EMILIN1: variants seen among roughly 807,000 people sequenced by gnomAD.
EMILIN1 encodes the protein EMILIN-1.
EMILIN1 carries 49 observed loss-of-function variants against 82.4 expected under a neutral mutation model. The observed-to-expected ratio is 0.59, with a 90% CI of 0.47 to 0.75. The LOEUF (loss-of-function observed/expected upper bound fraction) is 0.75. Among genes scored for constraint, EMILIN1 ranks in the 30% least tolerant of loss-of-function variants. EMILIN1 has a pLI of 0.00. For synonymous variants in EMILIN1, 604 were observed against 602.2 expected (o/e 1.00, Z -0.04); for missense variants, 1,313 against 1,366.4 (o/e 0.96, Z 0.62).
chr2:27,083,598 C>T lies in EMILIN1; in HGVS notation c.2027C>T (p.Ala676Val). The T allele has an allele frequency of 1.2e-6, 2 of 1,613,566 alleles. No homozygotes were observed. The highest frequency in any genetic ancestry group is 1.7e-6 in the Non-Finnish European group (2 of 1,179,604). Residue 676 changes from alanine (A) to valine (V), a missense_variant, in exon 4 of 8, where the codon GCT becomes GTT. Coordinates refer to ENST00000380320, the MANE Select transcript of EMILIN1 (RefSeq NM_007046.4). The part of the protein sequence containing the change: ...TTVEGQGADL[A>V]DLGATKDRII... ...GTGGAGGGCCAGGGCGCTGATCTGG[C>T]TGACCTGGGGGCAACCAAGGACCGT...
chr2:27,082,505 T>TTCCGCCGGC lies in EMILIN1; in HGVS notation c.935_943dup (p.Arg314_Gln315insLeuArgArg), dbSNP rs1279106581. On this transcript the variant is annotated inframe_insertion, in exon 4 of 8. Coordinates refer to ENST00000380320, the MANE Select transcript of EMILIN1 (RefSeq NM_007046.4). The stretch of plus-strand genomic sequence containing the variant: ...CGTGTGCCTGGCCGGGCTAGATGGC[T>TTCCGCCGGC]TCCGCCGGCAGCAGCAGGAGGACAG... 7 of 1,547,024 alleles carry TTCCGCCGGC rather than the reference T, an allele frequency of 4.5e-6. No individual in the cohort carries two copies. The highest frequency in any genetic ancestry group is 6.1e-6 in the Non-Finnish European group (7 of 1,146,772).
Position 27,080,157 on chromosome 2 carries a change from G to C in EMILIN1, c.177G>C (p.Trp59Cys). The change falls in exon 2 of 8, where the codon TGG becomes TGC. Residue 59 changes from tryptophan (W) to cysteine (C), a missense_variant. Coordinates refer to ENST00000380320, the MANE Select transcript of EMILIN1 (RefSeq NM_007046.4). ...APRPASRHRN[W>C]CAYVVTRTVS... ...GAGGGGGTTGTACCTACAGGAACTG[G>C]TGTGCCTACGTGGTGACCCGGACAG... The C allele has an allele frequency of 6.2e-7, 1 of 1,614,030 alleles. No individual in the cohort carries two copies. The highest frequency in any genetic ancestry group is 8.5e-7 in the Non-Finnish European group (1 of 1,179,910).
chr2:27,083,444 C>A lies in EMILIN1; in HGVS notation c.1873C>A (p.Pro625Thr), dbSNP rs1669523452. The stretch of plus-strand genomic sequence containing the variant: ...AGGTGTTGGGGGCCCAAGCCGTGGG[C>A]CCCTGGACGGCTTCAGCGTGTTTGG... ...GPGVGGPSRG[P>T]LDGFSVFGGS... The change falls in exon 4 of 8, where the codon CCC becomes ACC. Residue 625 changes from proline to threonine, a missense_variant. Transcript: ENST00000380320. The A allele has an allele frequency of 2.5e-6, 4 of 1,612,782 alleles. No homozygotes were observed. The East Asian group carries it at 8.9e-5, about 36-fold the overall frequency.
rs1669641279 is a variant in EMILIN1 at position 27,086,385 on chromosome 2, T to C, written c.*370T>C. ...CTAAACGATCGAGGAATAAAGACAC[T>C]TGGTTTTTCTAAAAAAAACTAAACG... On this transcript the variant is annotated 3_prime_UTR_variant, in exon 8 of 8. Transcript: ENST00000380320. 4.8e-6 allele frequency: 1 copy of C among 207,594 alleles called. No individual in the cohort carries two copies. The highest frequency in any genetic ancestry group is 9.6e-6 in the Non-Finnish European group (1 of 104,594). The allele number at this position is 207,594 out of a possible 1,614,324, so 12.9% of individuals were successfully genotyped here. A position where few individuals can be genotyped will look rare whatever the true frequency, so the allele number is the denominator to read the frequency against.
chr2:27,085,626 G>A, intron 7 of EMILIN1, 52 bp from the exon 8 acceptor site: 1 of 1,511,830 alleles, frequency 6.6e-7, no homozygotes, highest in Non-Finnish European at 9.0e-7. Context: ...AGGAGTTCTG[G>A]TGCGCTCCCC....
At chr2:27,081,965 TC>T in intron 3 of EMILIN1, 117 bp from the exon 4 acceptor site, 1 of 1,278,496 alleles carries the variant, frequency 7.8e-7, no homozygotes, top group Non-Finnish European at 1.1e-6. Flanking sequence ...CTTGCCAAAA[TC>T]ACCCAAAGGA....
chr2:27,083,923 G>A lies in EMILIN1; in HGVS notation c.2352G>A (p.Ala784=), dbSNP rs371698118. ...TGGAGAAGCTGGTCGGGGGACAGGC[G>A]GGCCTGGGCAGGCGGCTGGGTGCCC... is the stretch of plus-strand genomic sequence containing the variant. ...ALLEKLVGGQ[A]GLGRRLGALN... The change falls in exon 4 of 8, where the codon GCG becomes GCA. Residue 784 remains alanine (A), a synonymous_variant. Transcript: ENST00000380320. 7 of 1,603,524 alleles carry A rather than the reference G, an allele frequency of 4.4e-6. No individual in the cohort carries two copies. The highest frequency in any genetic ancestry group is 1.7e-5 in the Admixed American group (1 of 59,194).
chr2:27,084,124 T>C, intron 4 of EMILIN1, 113 bp downstream of exon 4: 1 of 1,189,148 alleles, frequency 8.4e-7, no homozygotes, highest in East Asian at 2.6e-5. Flanking sequence ...CCAACATGAA[T>C]TGCAGCCCCA....
In EMILIN1 at chr2:27,078,783, C is replaced by T. The variant is rs1023807387; in HGVS notation, c.-283C>T. On this transcript the variant is annotated 5_prime_UTR_variant, in exon 1 of 8. Transcript: ENST00000380320. ...TCCTGAGAGGGGCAGGGACCAGGCG[C>T]GGGAGGCCAGAGGGGGCACAGAGAA... 28 of 370,510 alleles carry T rather than the reference C, an allele frequency of 7.6e-5. No homozygotes were observed. The East Asian group carries it at 9.5e-4, about 13-fold the overall frequency. The allele number at this position is 370,510 out of a possible 1,614,324, so 23.0% of individuals were successfully genotyped here. A position where few individuals can be genotyped will look rare whatever the true frequency, so the allele number is the denominator to read the frequency against.
rs767764817 is a variant in EMILIN1 at position 27,085,277 on chromosome 2, G to T, written c.2693G>T (p.Gly898Val). ...GACAGAGTCCTGCTCAATGATGGAG[G>T]CTATTATGATCCAGAGACAGGTAGT... ...PFDRVLLNDG[G>V]YYDPETGVFT... Residue 898 changes from glycine (G) to valine (V), a missense_variant, in exon 7 of 8, where the codon GGC (glycine) becomes GTC (valine). Coordinates refer to ENST00000380320, the MANE Select transcript of EMILIN1 (RefSeq NM_007046.4). The T allele has an allele frequency of 3.7e-6, 6 of 1,614,078 alleles. No homozygotes were observed. The highest frequency in any genetic ancestry group is 5.1e-6 in the Non-Finnish European group (6 of 1,180,040).
In EMILIN1 at chr2:27,083,449, G is replaced by A. The variant is rs1372298951; in HGVS notation, c.1878G>A (p.Leu626=). Residue 626 remains leucine, a synonymous_variant, in exon 4 of 8, where the codon CTG becomes CTA. Coordinates refer to ENST00000380320, the MANE Select transcript of EMILIN1 (RefSeq NM_007046.4). ...TTGGGGGCCCAAGCCGTGGGCCCCTGGACGGCTTCAGCGTGTTTGGGGGCA... is the reference window on the plus strand; with the variant it reads ...TTGGGGGCCCAAGCCGTGGGCCCCTAGACGGCTTCAGCGTGTTTGGGGGCA... ...PGVGGPSRGP[L]DGFSVFGGSS... 1.9e-6 allele frequency: 3 copies of A among 1,612,982 alleles called. No homozygotes were observed. Among genetic ancestry groups the A allele is most frequent in the Non-Finnish European group, 1.7e-6 (2 of 1,179,916 alleles).
chr2:27,085,052 G>T, intron 6 of EMILIN1, 44 bp downstream of exon 6: 1 of 1,613,314 alleles, frequency 6.2e-7, no homozygotes, highest in Non-Finnish European at 8.5e-7. Context: ...GTGACTAGGG[G>T]TTGGAGGATA....
chr2:27,083,330 G>A lies in EMILIN1; in HGVS notation c.1759G>A (p.Gly587Arg), dbSNP rs776444866. Residue 587 changes from glycine to arginine, a missense_variant, in exon 4 of 8, where the codon GGA (glycine) becomes AGA (arginine). Gly to Arg is a moderately radical substitution (Grantham distance 125). Coordinates refer to ENST00000380320, the MANE Select transcript of EMILIN1 (RefSeq NM_007046.4). ...HGDEGCGACGGVQEELGRLRD... is the reference protein window; with the variant it reads ...HGDEGCGACGRVQEELGRLRD... ...GGATGAGGGCTGTGGGGCCTGTGGC[G>A]GAGTCCAAGAGGAACTAGGCCGCCT... 3.5e-5 allele frequency: 57 copies of A among 1,613,214 alleles called. No individual in the cohort carries two copies. Among genetic ancestry groups the A allele is most frequent in the Non-Finnish European group, 4.4e-5 (52 of 1,179,898 alleles).
rs759927653 is a variant in EMILIN1, at chr2:27,082,907, C to T, written c.1336C>T (p.Leu446=). 2 of 1,597,178 alleles carry T rather than the reference C, an allele frequency of 1.3e-6. No individual in the cohort carries two copies. The highest frequency in any genetic ancestry group is 1.3e-5 in the African/African-American group (1 of 74,668). ...SHWLPAARGR[L]EQLGGLLANV... is the part of the protein sequence containing the mutation. The stretch of plus-strand genomic sequence containing the variant: ...CTGGCTGCCTGCTGCCCGGGGCCGA[C>T]TAGAGCAGTTGGGGGGGCTGCTGGC... The change falls in exon 4 of 8, where the codon CTA becomes TTA. Residue 446 remains leucine (L), a synonymous_variant. Coordinates refer to ENST00000380320, the MANE Select transcript of EMILIN1 (RefSeq NM_007046.4).
chr2:27,085,241 C>T lies in EMILIN1; in HGVS notation c.2657C>T (p.Thr886Met), dbSNP rs769456756. ...ALSLPRSEPG[T>M]VPFDRVLLND... ...AGTTTGCCCCGGTCTGAACCAGGCACGGTCCCCTTCGACAGAGTCCTGCTC... is the reference window on the plus strand; with the variant it reads ...AGTTTGCCCCGGTCTGAACCAGGCATGGTCCCCTTCGACAGAGTCCTGCTC... The change falls in exon 7 of 8, where the codon ACG (threonine) becomes ATG (methionine). Residue 886 changes from threonine to methionine, a missense_variant. Transcript: ENST00000380320. The T allele has an allele frequency of 2.5e-6, 4 of 1,614,014 alleles. No homozygotes were observed. Among genetic ancestry groups the T allele is most frequent in the East Asian group, 2.2e-5 (1 of 44,898 alleles).
In EMILIN1 at chr2:27,083,850, C is replaced by G; in HGVS notation, c.2279C>G (p.Ala760Gly). ...GLSRHVAGLW[A>G]GLRETNTTSQ... ...TCCAGACACGTGGCTGGGCTCTGGG[C>G]TGGGCTCCGGGAAACCAACACCACC... The change falls in exon 4 of 8, where the codon GCT becomes GGT. Residue 760 changes from alanine to glycine, a missense_variant. By Grantham distance (60) the Ala-to-Gly change is moderately conservative. Transcript: ENST00000380320. The G allele has an allele frequency of 1.9e-6, 3 of 1,603,958 alleles. No homozygotes were observed. The highest frequency in any genetic ancestry group is 2.6e-6 in the Non-Finnish European group (3 of 1,172,804).
Position 27,082,916 on chromosome 2 carries a change from T to C in EMILIN1, c.1345T>C (p.Leu449=), listed in dbSNP as rs767934651. Reference sequence around the variant, plus strand: ...TGCTGCCCGGGGCCGACTAGAGCAGTTGGGGGGGCTGCTGGCCAATGTGAG... The same window carrying C: ...TGCTGCCCGGGGCCGACTAGAGCAGCTGGGGGGGCTGCTGGCCAATGTGAG... ...LPAARGRLEQ[L]GGLLANVSGE... The change falls in exon 4 of 8, where the codon TTG becomes CTG. Residue 449 remains leucine (L), a synonymous_variant. Transcript: ENST00000380320. The C allele has an allele frequency of 3.5e-5, 53 of 1,509,938 alleles. 1 individual carries two copies. In the Admixed American group the frequency reaches 4.6e-4, roughly 13 times the overall value. 93.5% of individuals were successfully genotyped at this position (1,509,938 alleles called of 1,614,324 possible). A position where few individuals can be genotyped will look rare whatever the true frequency, so the allele number is the denominator to read the frequency against.
At chr2:27,084,910 A>G in intron 5 of EMILIN1, 81 bp from the exon 6 acceptor site, 1 of 1,354,724 alleles carries the variant, frequency 7.4e-7, no homozygotes, top group Non-Finnish European at 1.1e-6. Flanking sequence ...CGAGCACAAC[A>G]GGAGAGCCTC....
chr2:27,079,060 C>T lies in EMILIN1; in HGVS notation c.-6C>T. On this transcript the variant is annotated 5_prime_UTR_variant, in exon 1 of 8. Coordinates refer to ENST00000380320, the MANE Select transcript of EMILIN1 (RefSeq NM_007046.4). ...GTCTCTGAGGGCCACTGTGGAGCGC[C>T]CCGCCATGGCCCCCCGCACCCTCTG... The T allele has an allele frequency of 6.5e-7, 1 of 1,547,702 alleles. No individual in the cohort carries two copies. The highest frequency in any genetic ancestry group is 8.7e-7 in the Non-Finnish European group (1 of 1,152,574).
Sources: allele counts gnomAD v4.1 joint callset, GRCh38; gene constraint gnomAD v4.1.1; transcripts MANE v1.5; gene names NCBI Gene and HGNC (gene_info 2026-07-23, HGNC 2026-07-21).